The following TRIP11 variants were observed in gnomAD, a reference collection of about 807,000 sequenced individuals.
TRIP11 encodes the protein thyroid hormone receptor interactor 11, also known as thyroid receptor-interacting protein 11.
In TRIP11, 148 loss-of-function variants were observed where a neutral mutation model predicts 223.1. The observed-to-expected ratio is 0.66, with a 90% CI of 0.58 to 0.76. The LOEUF is 0.76. Ranked by LOEUF, TRIP11 falls within the 30% of genes least tolerant of loss-of-function variation. TRIP11 has a pLI of 0.00. For missense variants in TRIP11, 2,043 were observed against 2,222.0 expected (o/e 0.92, Z 1.62); for synonymous variants, 762 against 772.6 (o/e 0.99, Z 0.23).
chr14:92,000,592 A>C (rs1396957069), intron 11 of TRIP11, among the ~76,000 whole-genome samples: 1 of 152,218 alleles, frequency 6.6e-6, no homozygotes, highest in African/African-American at 2.4e-5. Flanking sequence ...CTAAAAGAAT[A>C]AGTTTATTAG....
intron 2 of TRIP11, among the ~76,000 whole-genome samples, chr14:92,029,280 A>AT (rs60778253): frequency 0.015 from 1,135 of 76,644 alleles, 100 homozygotes; most frequent in East Asian, 0.027. Flanking sequence ...CCAAAGTATT[A>AT]TTTTTTTTTT....
At position 92,039,633 on chromosome 14, in the gene TRIP11, T is replaced by G. The variant is rs1430865065; in HGVS notation, c.53A>C (p.Gln18Pro). 6.2e-7 allele frequency: 1 copy of G among 1,612,626 alleles called. No individual in the cohort carries two copies. The highest frequency in any genetic ancestry group is 1.7e-5 in the Admixed American group (1 of 59,790). Reference protein sequence around the residue: ...LGSGLGQSLGQVGGSLASLTG... With the variant: ...LGSGLGQSLGPVGGSLASLTG... Reference sequence around the variant, plus strand: ...GAGGGAAGCCAGGCTGCCCCCGACTTGACCCAGAGACTGGCCCAATCCGGA... The same window carrying G: ...GAGGGAAGCCAGGCTGCCCCCGACTGGACCCAGAGACTGGCCCAATCCGGA... The change falls in exon 1 of 21, where the codon CAA becomes CCA. Residue 18 changes from glutamine to proline, a missense_variant. By Grantham distance (76) the Gln-to-Pro change is moderately conservative (BLOSUM62 -1). Coordinates refer to ENST00000267622, the MANE Select transcript of TRIP11 (RefSeq NM_004239.4).
chr14:91,974,725 C>A lies in TRIP11; in HGVS notation c.5476G>T (p.Gly1826Cys). 1 of 1,612,826 alleles carries A rather than the reference C, an allele frequency of 6.2e-7. No individual in the cohort carries two copies. The highest frequency in any genetic ancestry group is 8.5e-7 in the Non-Finnish European group (1 of 1,179,476). The change falls in exon 19 of 21, where the codon GGC (glycine) becomes TGC (cysteine). Residue 1826 changes from glycine to cysteine, a missense_variant. Gly to Cys is a radical substitution (Grantham distance 159). Coordinates refer to ENST00000267622, the MANE Select transcript of TRIP11 (RefSeq NM_004239.4). ...CCAGTCATCCACCTGGTAACACCGC[C>A]CTGATCGTCATGAAACAACTGAAAG... ...EMEQLFHDDQGGVTRWMTGWL... is the reference protein window; with the variant it reads ...EMEQLFHDDQCGVTRWMTGWL...
chr14:91,999,829 T>G, intron 12 of TRIP11, 139 bp downstream of exon 12: 2 of 1,144,568 alleles, frequency 1.7e-6, no homozygotes, highest in Non-Finnish European at 2.5e-6. Flanking sequence ...GAGATTAAAA[T>G]TTTACTACTG....
At chr14:92,019,239 C>CTCT (rs969427048) in intron 4 of TRIP11, among the ~76,000 whole-genome samples, 60 of 152,090 alleles carry the variant, frequency 3.9e-4, no homozygotes, top group African/African-American at 1.3e-3. Context: ...AAAAACCATT[C>CTCT]TCTTCCCTAT....
At chr14:91,996,520 C>A (rs1013260048) in intron 13 of TRIP11, among the ~76,000 whole-genome samples, 2 of 152,000 alleles carry the variant, frequency 1.3e-5, no homozygotes, top group African/African-American at 4.8e-5. Context: ...CTAGCCTGGG[C>A]GACAGAGTGA....
At chr14:92,026,031 C>G (rs897652043) in intron 2 of TRIP11, among the ~76,000 whole-genome samples, 2 of 152,206 alleles carry the variant, frequency 1.3e-5, no homozygotes, top group Non-Finnish European at 1.5e-5. Context: ...ATACCCAGTT[C>G]TAGCACACAG....
rs1251541997 is a variant in TRIP11, at chr14:91,966,501, T to G, written c.*3172A>C. ...TTCTAAAAAATTCTCATCACTCTAC[T>G]GTCCCTGAAGACATAGCTTTTCCCC... On this transcript the variant is annotated 3_prime_UTR_variant, in exon 21 of 21. Coordinates refer to ENST00000267622, the MANE Select transcript of TRIP11 (RefSeq NM_004239.4). 1 of 196,164 alleles carries G rather than the reference T, an allele frequency of 5.1e-6. No homozygotes were observed. The highest frequency in any genetic ancestry group is 8.0e-5 in the East Asian group (1 of 12,522). 12.2% of individuals were successfully genotyped at this position (196,164 alleles called of 1,614,324 possible).
At position 92,011,870 on chromosome 14, in the gene TRIP11, A is replaced by G. The variant is rs2056977924; in HGVS notation, c.1187-75T>C. 5 of 1,376,418 alleles carry G rather than the reference A, an allele frequency of 3.6e-6. No homozygotes were observed. The African/African-American group carries it at 7.1e-5, about 20-fold the overall frequency. The allele number at this position is 1,376,418 out of a possible 1,614,324, so 85.3% of individuals were successfully genotyped here. A position where few individuals can be genotyped will look rare whatever the true frequency, so the allele number is the denominator to read the frequency against. On this transcript the variant is annotated intron_variant, in intron 7 of 20. Transcript: ENST00000267622. ...ATTATCTTCAATATTAAACTCAGAA[A>G]TGCAACCCAATTAAAGTGTATATAA...
At chr14:92,006,574 T>A in intron 10 of TRIP11, 126 bp from the exon 11 acceptor site, 2 of 1,078,218 alleles carry the variant, frequency 1.9e-6, no homozygotes, top group Non-Finnish European at 2.6e-6. Flanking sequence ...CTTAAAAACA[T>A]TGTTTTTCTA....
At chr14:92,007,883 T>C (rs1566862245) in intron 9 of TRIP11, 31 bp from the exon 10 acceptor site, 18 of 1,541,624 alleles carry the variant, frequency 1.2e-5, no homozygotes, top group Non-Finnish European at 1.6e-5. Context: ...AAGCAACACA[T>C]ACTTTCAATT....
At position 92,005,632 on chromosome 14, in the gene TRIP11, T is replaced by C. The variant is rs941976871; in HGVS notation, c.2344A>G (p.Ile782Val). ...TTATGGTCAGTATCCATTTGTTCAA[T>C]ATTCTTTTTGAGTTCTGCTATTTCC... ...DMEIAELKKNIEQMDTDHKET... is the reference protein window; with the variant it reads ...DMEIAELKKNVEQMDTDHKET... Residue 782 changes from isoleucine to valine, a missense_variant, in exon 11 of 21, where the codon ATT becomes GTT. Ile to Val is a conservative substitution (Grantham distance 29, BLOSUM62 3). Transcript: ENST00000267622. 6 of 1,613,850 alleles carry C rather than the reference T, an allele frequency of 3.7e-6. No homozygotes were observed. The African/African-American group carries it at 4.0e-5, about 11-fold the overall frequency.
Position 91,978,983 on chromosome 14 carries a change from G to T in TRIP11, c.5261-2794C>A, listed in dbSNP as rs79212500. On this transcript the variant is annotated intron_variant, in intron 16 of 20. Coordinates refer to ENST00000267622, the MANE Select transcript of TRIP11 (RefSeq NM_004239.4). The surrounding 1 kb of genome is among the most constrained non-coding windows in gnomAD (Gnocchi z 4.4). Reference sequence around the variant, plus strand: ...CTTATTTTAAAAAGAGAGGCTGGGCGCAGTGGCTCACGCTTGTAATCCCAG... The same window carrying T: ...CTTATTTTAAAAAGAGAGGCTGGGCTCAGTGGCTCACGCTTGTAATCCCAG... Among the ~76,000 whole-genome samples, 2,851 of 152,156 alleles carry T rather than the reference G, an allele frequency of 0.019. 76 individuals carry two copies. The highest frequency in any genetic ancestry group is 0.065 in the African/African-American group (2,688 of 41,496).
At position 92,014,518 on chromosome 14, in the gene TRIP11, G is replaced by T; in HGVS notation, c.883C>A (p.Gln295Lys). The T allele has an allele frequency of 6.3e-7, 1 of 1,599,436 alleles. No individual in the cohort carries two copies. ...TCCACTTTTTCTATTTGTAGAACTT[G>T]AATAGTTTTTTGCATCTCATAGATT... ...SKIYEMQKTI[Q>K]VLQIEKVEST... The change falls in exon 7 of 21, where the codon CAA becomes AAA. Residue 295 changes from glutamine (Q) to lysine (K), a missense_variant. Transcript: ENST00000267622.
At chr14:91,984,284 T>C (rs1337221945) in intron 16 of TRIP11, among the ~76,000 whole-genome samples, 1 of 151,928 alleles carries the variant, frequency 6.6e-6, no homozygotes, top group African/African-American at 2.4e-5. Context: ...TTGTGCTTTT[T>C]ATTTCAATTT....
chr14:92,036,956 C>G (rs952138281), intron 1 of TRIP11, among the ~76,000 whole-genome samples: 1 of 152,152 alleles, frequency 6.6e-6, no homozygotes, highest in Non-Finnish European at 1.5e-5. Context: ...TCCTCAACTC[C>G]TGGCTTTAAG....
Position 92,039,636 on chromosome 14 carries a change from C to T in TRIP11, c.50G>A (p.Gly17Asp). Residue 17 changes from glycine to aspartate, a missense_variant, in exon 1 of 21, where the codon GGT (glycine) becomes GAT (aspartate). Transcript: ENST00000267622. ...GGAAGCCAGGCTGCCCCCGACTTGA[C>T]CCAGAGACTGGCCCAATCCGGAGCC... is the stretch of plus-strand genomic sequence containing the variant. ...GLGSGLGQSL[G>D]QVGGSLASLT... is the part of the protein sequence containing the mutation. The T allele has an allele frequency of 6.2e-7, 1 of 1,612,640 alleles. No individual in the cohort carries two copies. The highest frequency in any genetic ancestry group is 8.5e-7 in the Non-Finnish European group (1 of 1,179,466).
chr14:92,017,669 C>A lies in TRIP11; in HGVS notation c.657+13G>T, dbSNP rs757819959. On this transcript the variant is annotated intron_variant, in intron 5 of 20. Transcript: ENST00000267622. ...ATGTATAACTCCCATCATCAATCAA[C>A]AATTTGACTTACCTTAATGATATTT... is the stretch of plus-strand genomic sequence containing the variant. The A allele has an allele frequency of 6.3e-7, 1 of 1,598,902 alleles. No homozygotes were observed. Among genetic ancestry groups the A allele is most frequent in the Non-Finnish European group, 8.6e-7 (1 of 1,167,444 alleles).
chr14:92,035,949 A>G (rs893826261), intron 1 of TRIP11, among the ~76,000 whole-genome samples: 1 of 152,160 alleles, frequency 6.6e-6, no homozygotes, highest in Non-Finnish European at 1.5e-5. Context: ...TTCAAAACCC[A>G]TCCTGGGCCA....
Sources: allele counts gnomAD v4.1 joint callset (sites outside exome capture counted in the v4.1 genomes callset), GRCh38; gene constraint gnomAD v4.1.1; non-coding constraint Gnocchi (gnomAD v3.1); transcripts MANE v1.5; gene names NCBI Gene and HGNC (gene_info 2026-07-23, HGNC 2026-07-21).